The following KDM5B variants were observed in gnomAD, a reference collection of about 807,000 sequenced individuals.
KDM5B encodes lysine-specific demethylase 5B.
In KDM5B, 144 loss-of-function variants were observed where a neutral mutation model predicts 193.4. That is an observed-to-expected ratio of 0.74 (90% CI 0.65 to 0.86). The LOEUF is 0.86. KDM5B is among the 40% of genes least tolerant of loss of function. The pLI, the probability that KDM5B is intolerant of heterozygous loss-of-function variation, is 0.00. For synonymous variants in KDM5B, 668 were observed against 682.6 expected (o/e 0.98, Z 0.33); for missense variants, 1,833 against 1,886.9 (o/e 0.97, Z 0.53).
intron 1 of KDM5B, among the ~76,000 whole-genome samples, chr1:202,792,587 A>G (rs1224721470): frequency 2.6e-5 from 4 of 152,252 alleles, no homozygotes; most frequent in African/African-American, 9.6e-5. Context: ...TGATAAGTAG[A>G]TAAAACACAC....
Position 202,808,310 on chromosome 1 carries a change from G to T in KDM5B, c.-5C>A, listed in dbSNP as rs1436824232. ...CAGTGTGGTGGCCGCCTCCATCACCGCAGGCTGGGCAAGGGCGAGGCGAAG... is the reference window on the plus strand; with the variant it reads ...CAGTGTGGTGGCCGCCTCCATCACCTCAGGCTGGGCAAGGGCGAGGCGAAG... On this transcript the variant is annotated 5_prime_UTR_variant, in exon 1 of 27. Coordinates refer to ENST00000367265, the MANE Select transcript of KDM5B (RefSeq NM_006618.5). The T allele has an allele frequency of 3.8e-6, 6 of 1,583,800 alleles. No individual in the cohort carries two copies. The South Asian group carries it at 5.6e-5, about 15-fold the overall frequency.
intron 11 of KDM5B, 56 bp downstream of exon 11, chr1:202,755,215 A>G: frequency 9.3e-6 from 13 of 1,404,370 alleles, no homozygotes; most frequent in Non-Finnish European, 1.3e-5. Context: ...ACTGAAAAGG[A>G]AAGTTTTCCT....
chr1:202,729,778 C>A lies in KDM5B; in HGVS notation c.4426G>T (p.Glu1476Ter), dbSNP rs776466616. The change falls in exon 26 of 27, where the codon GAA becomes TAA. Residue 1476 changes from glutamate (E) to a stop codon, truncating the protein, a stop_gained. Transcript: ENST00000367265. LOFTEE classifies it high-confidence loss of function. ...HSLPSDTSYSEQEDSEDEDAI... is the reference protein window; with the variant it reads ...HSLPSDTSYS ...TCTTCATCCTCAGAGTCTTCCTGTT[C>A]GGAATAGGATGTGTCTGAGGGCAGG... 1.9e-6 allele frequency: 3 copies of A among 1,613,984 alleles called. No individual in the cohort carries two copies. The highest frequency in any genetic ancestry group is 2.2e-5 in the East Asian group (1 of 44,882).
rs953052382 is a variant in KDM5B, at chr1:202,727,579, A to T, written c.*1457T>A. The T allele has an allele frequency of 3.3e-5, 5 of 152,688 alleles. No homozygotes were observed. The highest frequency in any genetic ancestry group is 1.2e-4 in the African/African-American group (5 of 41,452). The allele number at this position is 152,688 out of a possible 1,614,324, so 9.5% of individuals were successfully genotyped here. A position where few individuals can be genotyped will look rare whatever the true frequency, so the allele number is the denominator to read the frequency against. ...GGAAAACAAAAATTGGCAACAGAAT[A>T]GGAAAAGGTAAGCAAAAGTCTGGTC... On this transcript the variant is annotated 3_prime_UTR_variant, in exon 27 of 27. Transcript: ENST00000367265.
chr1:202,773,258 C>G lies in KDM5B; in HGVS notation c.436G>C (p.Val146Leu), dbSNP rs1438411459. The change falls in exon 4 of 27, where the codon GTT becomes CTT. Residue 146 changes from valine (V) to leucine (L), a missense_variant. Physicochemically the swap from Val to Leu is conservative, Grantham distance 32 (BLOSUM62 1). Around this residue, in one of 3 missense-constraint regions of KDM5B, gnomAD observed 355 missense variants for 374.9 expected, o/e 0.95. Coordinates refer to ENST00000367265, the MANE Select transcript of KDM5B (RefSeq NM_006618.5). ...LVAEEGGFAV[V>L]CKDRKWTKIA... ...TTGGTCCATTTTCTATCCTTGCAAA[C>G]AACTGCAAATCCACCTTCTTCTGCA... is the stretch of plus-strand genomic sequence containing the variant. 1 of 1,614,022 alleles carries G rather than the reference C, an allele frequency of 6.2e-7. No homozygotes were observed. The highest frequency in any genetic ancestry group is 8.5e-7 in the Non-Finnish European group (1 of 1,180,020).
chr1:202,788,681 A>T (rs1374545687), intron 1 of KDM5B, among the ~76,000 whole-genome samples: 1 of 152,176 alleles, frequency 6.6e-6, no homozygotes, highest in Non-Finnish European at 1.5e-5. Flanking sequence ...TGGGATGAGA[A>T]GAAATTTCAG....
rs186108609 is a variant in KDM5B, at chr1:202,747,934, A to T, written c.2016+1011T>A. Among the ~76,000 whole-genome samples, 5 of 152,268 alleles carry T rather than the reference A, an allele frequency of 3.3e-5. No homozygotes were observed. The East Asian group carries it at 9.6e-4, about 29-fold the overall frequency. ...ATAAGCTGATTCTAAAATGTACATT[A>T]AAAAAAGTAAAAGAGATAAAACAAT... On this transcript the variant is annotated intron_variant, in intron 14 of 26. Transcript: ENST00000367265.
Position 202,742,689 on chromosome 1 carries a change from C to G in KDM5B, c.2440G>C (p.Ala814Pro). ...CTTTTGCCATTAAGCAACTGCTGCG[C>G]AACAGAGGCACACTTCTCTGCATCC... ...TQDAEKCASV[A>P]QQLLNGKRQT... The change falls in exon 17 of 27, where the codon GCG becomes CCG. Residue 814 changes from alanine (A) to proline (P), a missense_variant. By Grantham distance (27) the Ala-to-Pro change is conservative. Transcript: ENST00000367265. 3 of 1,614,116 alleles carry G rather than the reference C, an allele frequency of 1.9e-6. No homozygotes were observed. Among genetic ancestry groups the G allele is most frequent in the Non-Finnish European group, 2.5e-6 (3 of 1,180,036 alleles).
In KDM5B at chr1:202,736,228, T is replaced by C. The variant is rs1446504692; in HGVS notation, c.3249A>G (p.Pro1083=). ...GTAAACTTACCTCTAAGAGAGAATA[T>C]GGAGAATTCTCAGTCAAGAATGTAT... ...AVNTFLTENS[P]YSLLEVLCPR... is the part of the protein sequence containing the mutation. Residue 1083 remains proline (P), a synonymous_variant, in exon 21 of 27, where the codon CCA becomes CCG. Coordinates refer to ENST00000367265, the MANE Select transcript of KDM5B (RefSeq NM_006618.5). 3 of 1,584,264 alleles carry C rather than the reference T, an allele frequency of 1.9e-6. No homozygotes were observed. The highest frequency in any genetic ancestry group is 2.6e-6 in the Non-Finnish European group (3 of 1,163,538).
chr1:202,761,484 C>T (rs955279791), intron 7 of KDM5B, among the ~76,000 whole-genome samples: 3 of 152,116 alleles, frequency 2.0e-5, no homozygotes, highest in African/African-American at 7.2e-5. Context: ...TTCAGAAGTT[C>T]CCCTAATGCC....
chr1:202,732,196 G>A, intron 23 of KDM5B: 1 of 422,306 alleles, frequency 2.4e-6, no homozygotes, highest in South Asian at 2.7e-5. Flanking sequence ...AGGCCACTGG[G>A]AAATAAGCCA....
Position 202,728,760 on chromosome 1 carries a change from T to G in KDM5B, c.*276A>C, listed in dbSNP as rs1445921387. 2 of 329,540 alleles carry G rather than the reference T, an allele frequency of 6.1e-6. No individual in the cohort carries two copies. The allele number at this position is 329,540 out of a possible 1,614,324, so 20.4% of individuals were successfully genotyped here. On this transcript the variant is annotated 3_prime_UTR_variant, in exon 27 of 27. Transcript: ENST00000367265. ...GGTGCAAGCTTCAATGCCTTCCAAA[T>G]TGGTGGGAACCCCTGCAAAAAAAAC...
chr1:202,767,042 G>A lies in KDM5B; in HGVS notation c.595C>T (p.Leu199=). 2 of 1,609,880 alleles carry A rather than the reference G, an allele frequency of 1.2e-6. No homozygotes were observed. Among genetic ancestry groups the A allele is most frequent in the Admixed American group, 1.7e-5 (1 of 58,496 alleles). Residue 199 remains leucine, a synonymous_variant, in exon 5 of 27, where the codon CTG becomes TTG. Transcript: ENST00000367265. The part of the protein sequence containing the change: ...DSLRCLQKPN[L]TTDTKDKEYK... ...TCCTTGTCCTTAGTGTCTGTGGTCA[G>A]GTTTGGCTTCTGCAAACACTAGAAA... is the stretch of plus-strand genomic sequence containing the variant.
intron 1 of KDM5B, among the ~76,000 whole-genome samples, chr1:202,805,459 T>C (rs1658252395): frequency 6.6e-6 from 1 of 152,192 alleles, no homozygotes; most frequent in Admixed American, 6.5e-5. Flanking sequence ...TAAGTACCAT[T>C]GGTAAAGATA....
Position 202,729,015 on chromosome 1 carries a change from G to A in KDM5B, c.*21C>T. The A allele has an allele frequency of 1.2e-6, 2 of 1,613,770 alleles. No homozygotes were observed. Among genetic ancestry groups the A allele is most frequent in the Non-Finnish European group, 1.7e-6 (2 of 1,179,782 alleles). On this transcript the variant is annotated 3_prime_UTR_variant, in exon 27 of 27. Coordinates refer to ENST00000367265, the MANE Select transcript of KDM5B (RefSeq NM_006618.5). ...GGAGTCCTGAATTACATTAAGTAGG[G>A]GGGTATCTGTTTTTGTGTTTTTACT...
At chr1:202,756,215 C>T (rs556038768) in intron 10 of KDM5B, 143 bp downstream of exon 10, 1 of 695,656 alleles carries the variant, frequency 1.4e-6, no homozygotes, top group East Asian at 2.6e-5. Flanking sequence ...GACTAGAATT[C>T]TTCTGTAGGC....
intron 1 of KDM5B, among the ~76,000 whole-genome samples, chr1:202,789,377 G>A (rs1170734339): frequency 4.6e-5 from 7 of 151,000 alleles, no homozygotes; most frequent in South Asian, 2.1e-4. Flanking sequence ...AAAAACTAGC[G>A]GGACGCGGTG....
intron 1 of KDM5B, among the ~76,000 whole-genome samples, chr1:202,801,453 T>C (rs1658070047): frequency 1.3e-5 from 2 of 152,192 alleles, no homozygotes; most frequent in Admixed American, 6.5e-5. Flanking sequence ...CCAAACATCC[T>C]ACAATTATGG....
intron 3 of KDM5B, 127 bp from the exon 4 acceptor site, chr1:202,773,415 A>T: frequency 3.0e-6 from 2 of 669,082 alleles, no homozygotes; most frequent in Non-Finnish European, 5.1e-6. Flanking sequence ...CCAATCATAT[A>T]TATATACACA....
Sources: allele counts gnomAD v4.1 joint callset (sites outside exome capture counted in the v4.1 genomes callset), GRCh38; gene constraint gnomAD v4.1.1; regional missense constraint gnomAD v4.1.1; transcripts MANE v1.5; gene names NCBI Gene and HGNC (gene_info 2026-07-23, HGNC 2026-07-21).